Variants in FBXO7 observed in about 807,000 individuals in gnomAD.
FBXO7 encodes the protein F-box protein 7.
In FBXO7, 31 loss-of-function variants were observed where a neutral mutation model predicts 50.2. The ratio of observed to expected loss-of-function variants is 0.62; its 90% CI spans 0.46 to 0.83. FBXO7 has a LOEUF of 0.83. Among genes scored for constraint, FBXO7 ranks in the 40% least tolerant of loss-of-function variants. The pLI is 0.00. For synonymous variants in FBXO7, 256 were observed against 253.1 expected (o/e 1.01, Z -0.11); for missense variants, 667 against 646.6 (o/e 1.03, Z -0.34).
At chr22:32,491,423 T>C in intron 6 of FBXO7, 1 of 443,962 alleles carries the variant, frequency 2.3e-6, no homozygotes, top group East Asian at 4.6e-5. Flanking sequence ...ATATGATTTC[T>C]TTCCACCTAA....
chr22:32,477,792 A>G (rs2057438406), intron 1 of FBXO7, among the ~76,000 whole-genome samples: 1 of 152,096 alleles, frequency 6.6e-6, no homozygotes, highest in South Asian at 2.1e-4. Flanking sequence ...CTTCCCAACT[A>G]GTGTTTGGTG....
intron 2 of FBXO7, among the ~76,000 whole-genome samples, chr22:32,479,902 T>C (rs1221978559): frequency 6.6e-6 from 1 of 152,192 alleles, no homozygotes; most frequent in Non-Finnish European, 1.5e-5. Context: ...AGGCTATAGA[T>C]GTGGTCTAAT....
chr22:32,489,110 G>C (rs753516735), intron 5 of FBXO7: 4 of 152,130 alleles, frequency 2.6e-5, no homozygotes, highest in Non-Finnish European at 5.9e-5. Flanking sequence ...GCGCCCGACC[G>C]AGTTGAACAT....
chr22:32,483,995 T>A lies in FBXO7; in HGVS notation c.516T>A (p.Ser172Arg), dbSNP rs1186144924. Residue 172 changes from serine to arginine, a missense_variant, in exon 3 of 9, where the codon AGT becomes AGA. Coordinates refer to ENST00000266087, the MANE Select transcript of FBXO7 (RefSeq NM_012179.4). The part of the protein sequence containing the change: ...GFYPSEPMLC[S>R]ESVEGQVPHS... The stretch of plus-strand genomic sequence containing the variant: ...ATCCCTCAGAACCCATGCTCTGTAG[T>A]GAATCGGTGGAAGGGCAAGTGCCAC... 5.0e-6 allele frequency: 8 copies of A among 1,614,192 alleles called. No homozygotes were observed. Among genetic ancestry groups the A allele is most frequent in the Non-Finnish European group, 6.8e-6 (8 of 1,180,022 alleles).
chr22:32,490,362 T>G (rs1157718476), intron 5 of FBXO7: 1 of 152,308 alleles, frequency 6.6e-6, no homozygotes, highest in Non-Finnish European at 1.5e-5. Context: ...GCGTCCGTAC[T>G]TTACTATGAG....
intron 5 of FBXO7, chr22:32,490,371 A>T (rs1160592228): frequency 1.3e-5 from 2 of 152,230 alleles, no homozygotes; most frequent in African/African-American, 2.4e-5. Context: ...CTTTACTATG[A>T]GTCACCTGGG....
intron 2 of FBXO7, 109 bp from the exon 3 acceptor site, chr22:32,483,788 A>C: frequency 2.1e-6 from 2 of 938,752 alleles, no homozygotes; most frequent in South Asian, 2.8e-5. Context: ...CCATTTCTGA[A>C]CCCAATGATG....
At chr22:32,488,056 AATTAT>A (rs2057510569) in intron 5 of FBXO7, 3 of 465,876 alleles carry the variant, frequency 6.4e-6, no homozygotes, top group Non-Finnish European at 7.8e-6. Flanking sequence ...TAGTGTGCTG[AATTAT>A]ATTGTTATGA....
chr22:32,497,203 T>A (rs1259830047), intron 8 of FBXO7, among the ~76,000 whole-genome samples: 2 of 152,208 alleles, frequency 1.3e-5, no homozygotes, highest in South Asian at 4.1e-4. Flanking sequence ...GGTTTTTGGT[T>A]GCATAGATGA....
intron 8 of FBXO7, 29 bp downstream of exon 8, chr22:32,495,559 G>T: frequency 7.5e-7 from 1 of 1,333,488 alleles, no homozygotes; most frequent in Non-Finnish European, 1.1e-6. Context: ...TAAGACTAAT[G>T]TCCATAACAC....
chr22:32,485,096 C>T lies in FBXO7; in HGVS notation c.674C>T (p.Pro225Leu), dbSNP rs112660869. 1.3e-5 allele frequency: 21 copies of T among 1,614,012 alleles called. No individual in the cohort carries two copies. In the Middle Eastern group the frequency reaches 4.9e-4, roughly 38 times the overall value. The change falls in exon 4 of 9, where the codon CCG (proline) becomes CTG (leucine). Residue 225 changes from proline (P) to leucine (L), a missense_variant. Physicochemically the swap from Pro to Leu is moderately conservative, Grantham distance 98. Transcript: ENST00000266087. ...QGTEAKALSM[P>L]EKWKLSGVYK... ...ACCGAAGCCAAAGCACTGTCCATGC[C>T]GGAGAAGTGGAAGTTGAGCGGGGTG...
rs2057531871 is a variant in FBXO7 at position 32,491,103 on chromosome 22, A to G, written c.889A>G (p.Ile297Val). Residue 297 changes from isoleucine (I) to valine (V), a missense_variant, in exon 6 of 9, where the codon ATA (isoleucine) becomes GTA (valine). Transcript: ENST00000266087. Reference sequence around the variant, plus strand: ...TATTCTAGGGGAAAATGTAGCCAACATATACAAAGATCTTCAGAAACTCTC... The same window carrying G: ...TATTCTAGGGGAAAATGTAGCCAACGTATACAAAGATCTTCAGAAACTCTC... ...KEKLGENVANIYKDLQKLSRL... is the reference protein window; with the variant it reads ...KEKLGENVANVYKDLQKLSRL... The G allele has an allele frequency of 1.9e-6, 3 of 1,612,988 alleles. No individual in the cohort carries two copies. Among genetic ancestry groups the G allele is most frequent in the Non-Finnish European group, 2.5e-6 (3 of 1,179,108 alleles).
rs759130580 is a variant in FBXO7 at position 32,498,373 on chromosome 22, C to T, written c.1412C>T (p.Thr471Met). ...ISSLIPGPGE[T>M]PSQFPPLRPR... Reference sequence around the variant, plus strand: ...TCACTCATTCCTGGTCCTGGGGAGACGCCCAGCCAGTTTCCTCCACTGAGA... The same window carrying T: ...TCACTCATTCCTGGTCCTGGGGAGATGCCCAGCCAGTTTCCTCCACTGAGA... Residue 471 changes from threonine (T) to methionine (M), a missense_variant, in exon 9 of 9, where the codon ACG becomes ATG. Coordinates refer to ENST00000266087, the MANE Select transcript of FBXO7 (RefSeq NM_012179.4). The T allele has an allele frequency of 1.8e-5, 29 of 1,614,206 alleles. No homozygotes were observed. The highest frequency in any genetic ancestry group is 1.6e-4 in the Middle Eastern group (1 of 6,062).
chr22:32,483,455 G>A (rs1377238208), intron 2 of FBXO7, among the ~76,000 whole-genome samples: 1 of 152,260 alleles, frequency 6.6e-6, no homozygotes, highest in African/African-American at 2.4e-5. Context: ...TCTGGCAGCA[G>A]GGACTGGGGT....
chr22:32,478,697 G>A (rs2057444106), intron 1 of FBXO7, among the ~76,000 whole-genome samples: 1 of 152,034 alleles, frequency 6.6e-6, no homozygotes, highest in South Asian at 2.1e-4. Context: ...TCCAGCCTGG[G>A]CAACAGAGTG....
At chr22:32,492,500 C>G (rs185607676) in intron 6 of FBXO7, 1 of 152,460 alleles carries the variant, frequency 6.6e-6, no homozygotes, top group African/African-American at 2.4e-5. Context: ...TTATCTATCT[C>G]TTTTTAGCCT....
intron 1 of FBXO7, chr22:32,478,339 T>C (rs2057441604): frequency 6.5e-6 from 1 of 153,412 alleles, no homozygotes. Context: ...TAAGACATAT[T>C]GTTTTATGTA....
intron 2 of FBXO7, among the ~76,000 whole-genome samples, chr22:32,480,540 T>A (rs892081360): frequency 3.3e-5 from 5 of 152,200 alleles, no homozygotes; most frequent in African/African-American, 9.6e-5. Flanking sequence ...TTACCTTTCC[T>A]CCCTCTCTAG....
chr22:32,497,528 C>G (rs918205415), intron 8 of FBXO7, among the ~76,000 whole-genome samples: 2 of 152,130 alleles, frequency 1.3e-5, no homozygotes, highest in African/African-American at 4.8e-5. Flanking sequence ...TTTTCTTTAT[C>G]AGTGGTTTCT....
Sources: gnomAD v4.1 joint callset for allele counts (sites outside exome capture counted in the v4.1 genomes callset) on GRCh38, gnomAD v4.1.1 for gene constraint, MANE v1.5 for transcripts, NCBI Gene and HGNC (gene_info 2026-07-23, HGNC 2026-07-21) for gene names.